Variants in SLC5A8 observed in about 807,000 individuals in gnomAD.
The protein encoded by SLC5A8 is solute carrier family 5 member 8, also known as sodium-coupled monocarboxylate transporter 1.
A neutral mutation model predicts 71.9 loss-of-function variants in SLC5A8; 55 were observed. That is an observed-to-expected ratio of 0.77 (90% CI 0.62 to 0.96). The LOEUF is 0.96. SLC5A8 is among the 40% of genes least tolerant of loss of function. The pLI, the probability that SLC5A8 is intolerant of heterozygous loss-of-function variation, is 0.00. For synonymous variants in SLC5A8, 307 were observed against 276.1 expected, an observed-to-expected ratio of 1.11 and a Z score of -1.11; for missense variants, 701 against 745.3, an observed-to-expected ratio of 0.94 and a Z score of 0.69.
intron 1 of SLC5A8, 121 bp downstream of exon 1, chr12:101,209,377 G>A (rs1006026199): frequency 1.4e-5 from 10 of 722,666 alleles, no homozygotes; most frequent in Non-Finnish European, 1.8e-5. Flanking sequence ...TGATGATGAC[G>A]ATGGACGGGG....
rs1041344909 is a variant in SLC5A8 at position 101,181,988 on chromosome 12, G to A, written c.1165+815C>T. Among the ~76,000 whole-genome samples, 3 of 152,106 alleles carry A rather than the reference G, an allele frequency of 2.0e-5. No individual in the cohort carries two copies. The South Asian group carries it at 6.2e-4, about 32-fold the overall frequency. ...GTGTTGAGGTTAAAGATTCTTTCTC[G>A]AAAAGGAATTTGTTAGTCATGCATT... On this transcript the variant is annotated intron_variant, in intron 9 of 14. Coordinates refer to ENST00000536262, the MANE Select transcript of SLC5A8 (RefSeq NM_145913.5).
chr12:101,198,522 T>C (rs1184121227), intron 3 of SLC5A8, among the ~76,000 whole-genome samples: 1 of 151,930 alleles, frequency 6.6e-6, no homozygotes, highest in Non-Finnish European at 1.5e-5. Flanking sequence ...TGCTAATGAA[T>C]TTGATAAGTT....
intron 3 of SLC5A8, among the ~76,000 whole-genome samples, chr12:101,197,960 T>G (rs1286919556): frequency 6.6e-6 from 1 of 152,044 alleles, no homozygotes; most frequent in Non-Finnish European, 1.5e-5. Context: ...AAATTTCAAA[T>G]GATTAAAATC....
intron 7 of SLC5A8, among the ~76,000 whole-genome samples, chr12:101,184,592 C>T (rs978294430): frequency 6.6e-6 from 1 of 152,134 alleles, no homozygotes; most frequent in Non-Finnish European, 1.5e-5. Context: ...ATGCTCAAAA[C>T]AAAGTAGTTG....
At chr12:101,190,719 C>A in intron 5 of SLC5A8, 111 bp from the exon 6 acceptor site, 1 of 737,496 alleles carries the variant, frequency 1.4e-6, no homozygotes, top group Non-Finnish European at 1.9e-6. Flanking sequence ...ACAACACATA[C>A]ATAAATATGT....
intron 13 of SLC5A8, among the ~76,000 whole-genome samples, chr12:101,159,833 G>A (rs1006084859): frequency 1.3e-5 from 2 of 152,186 alleles, no homozygotes; most frequent in African/African-American, 4.8e-5. Flanking sequence ...AGGGAGACTG[G>A]TTAGGTGTAT....
At position 101,157,035 on chromosome 12, in the gene SLC5A8, A is replaced by G. The variant is rs999244566; in HGVS notation, c.*244T>C. ...CATCTATGTAGTTACAATTTTCACA[A>G]TTATAGCTTCATCGAAATAAAGGAA... On this transcript the variant is annotated 3_prime_UTR_variant, in exon 15 of 15. Transcript: ENST00000536262. 9.0e-5 allele frequency: 40 copies of G among 443,402 alleles called. No individual in the cohort carries two copies. The highest frequency in any genetic ancestry group is 7.0e-4 in the African/African-American group (36 of 51,144). The allele number at this position is 443,402 out of a possible 1,614,324, so 27.5% of individuals were successfully genotyped here.
chr12:101,209,457 C>A (rs572371320), intron 1 of SLC5A8, 41 bp downstream of exon 1: 2 of 1,478,502 alleles, frequency 1.4e-6, no homozygotes, highest in Non-Finnish European at 1.8e-6. Context: ...GAGTCCCCTT[C>A]CCCCGCGCCC....
intron 6 of SLC5A8, 22 bp from the exon 7 acceptor site, chr12:101,187,537 AGC>A: frequency 6.3e-7 from 1 of 1,583,090 alleles, no homozygotes; most frequent in Non-Finnish European, 8.6e-7. Context: ...AAAACAAACC[AGC>A]AAAAGACAAC....
Position 101,210,181 on chromosome 12 carries a change from GAGCCTCCAGC to G in SLC5A8, c.-343_-334del. ...GGGACACCTGAGCAGATGAGAACTG[GAGCCTCCAGC>G]TGCTTCCAGCGAATCTACACAGGGA... On this transcript the variant is annotated 5_prime_UTR_variant, in exon 1 of 15. Coordinates refer to ENST00000536262, the MANE Select transcript of SLC5A8 (RefSeq NM_145913.5). 1 of 303,008 alleles carries G rather than the reference GAGCCTCCAGC, an allele frequency of 3.3e-6. No individual in the cohort carries two copies. Among genetic ancestry groups the G allele is most frequent in the Non-Finnish European group, 6.0e-6 (1 of 166,668 alleles). 18.8% of individuals were successfully genotyped at this position (303,008 alleles called of 1,614,324 possible). A position where few individuals can be genotyped will look rare whatever the true frequency, so the allele number is the denominator to read the frequency against.
chr12:101,166,400 TCA>T, intron 12 of SLC5A8, 92 bp downstream of exon 12: 1 of 1,046,322 alleles, frequency 9.6e-7, no homozygotes, highest in Non-Finnish European at 1.4e-6. Flanking sequence ...TTAGGCAAAA[TCA>T]CAGTGTTGTA....
Position 101,210,027 on chromosome 12 carries a change from A to T in SLC5A8, c.-179T>A. 3 of 552,780 alleles carry T rather than the reference A, an allele frequency of 5.4e-6. No homozygotes were observed. Among genetic ancestry groups the T allele is most frequent in the South Asian group, 2.9e-5 (1 of 35,050 alleles). The allele number at this position is 552,780 out of a possible 1,614,324, so 34.2% of individuals were successfully genotyped here. A position where few individuals can be genotyped will look rare whatever the true frequency, so the allele number is the denominator to read the frequency against. On this transcript the variant is annotated 5_prime_UTR_variant, in exon 1 of 15. Transcript: ENST00000536262. ...ACCCCGAGGCGGGGTGAGGGCTGGC[A>T]GTCGCCCCTGCACCCGCCGCTGCGA...
intron 12 of SLC5A8, among the ~76,000 whole-genome samples, chr12:101,163,628 G>A (rs568700290): frequency 6.6e-6 from 1 of 152,250 alleles, no homozygotes; most frequent in African/African-American, 2.4e-5. Context: ...CATTGAACTC[G>A]AGCCTGGGCA....
In SLC5A8 at chr12:101,168,398, CA is replaced by C. The variant is rs34337584; in HGVS notation, c.1234-217del. Among the ~76,000 whole-genome samples, 581 of 152,192 alleles carry C rather than the reference CA, an allele frequency of 3.8e-3. 4 individuals carry two copies. The highest frequency in any genetic ancestry group is 0.013 in the African/African-American group (560 of 41,524). On this transcript the variant is annotated intron_variant, in intron 10 of 14. Coordinates refer to ENST00000536262, the MANE Select transcript of SLC5A8 (RefSeq NM_145913.5). ...ATCCATCTGTTTCTGCAAGTAGCCT[CA>C]AAAAAGGCCACACAACACAAAGAAG...
chr12:101,180,724 A>AT (rs372493642), intron 9 of SLC5A8, among the ~76,000 whole-genome samples: 5 of 151,604 alleles, frequency 3.3e-5, no homozygotes, highest in South Asian at 2.1e-4. Flanking sequence ...CTTTAAAAAA[A>AT]TTTTTTTTTC....
At chr12:101,201,222 T>C (rs1869443281) in intron 3 of SLC5A8, among the ~76,000 whole-genome samples, 1 of 152,226 alleles carries the variant, frequency 6.6e-6, no homozygotes. Flanking sequence ...ACTTGTGATG[T>C]TGGTAATACC....
chr12:101,182,842 G>C lies in SLC5A8; in HGVS notation c.1126C>G (p.Leu376Val). The change falls in exon 9 of 15, where the codon CTC becomes GTC. Residue 376 changes from leucine (L) to valine (V), a missense_variant. Coordinates refer to ENST00000536262, the MANE Select transcript of SLC5A8 (RefSeq NM_145913.5). ...ATCCAAGACAGAGACCTTTCTGAGA[G>C]CGATCTGAAGTAAGGTTTGATTAGA... ...EDLIKPYFRS[L>V]SERSLSWISQ... The C allele has an allele frequency of 6.3e-7, 1 of 1,594,722 alleles. No homozygotes were observed. The highest frequency in any genetic ancestry group is 8.5e-7 in the Non-Finnish European group (1 of 1,173,118).
At chr12:101,173,228 G>A (rs1333175904) in intron 10 of SLC5A8, among the ~76,000 whole-genome samples, 1 of 152,176 alleles carries the variant, frequency 6.6e-6, no homozygotes, top group Non-Finnish European at 1.5e-5. Flanking sequence ...GAGTTGCAAA[G>A]CACTTCCTCT....
chr12:101,157,452 A>G (rs1218460373), intron 14 of SLC5A8, 51 bp from the exon 15 acceptor site: 30 of 1,522,324 alleles, frequency 2.0e-5, no homozygotes, highest in Non-Finnish European at 2.4e-5. Flanking sequence ...GAAGCTCTTC[A>G]TTCATGTAAT....
Sources: allele counts gnomAD v4.1 joint callset (sites outside exome capture counted in the v4.1 genomes callset), GRCh38; gene constraint gnomAD v4.1.1; transcripts MANE v1.5; gene names NCBI Gene and HGNC (gene_info 2026-07-23, HGNC 2026-07-21).